STPG2: variants seen among roughly 807,000 people sequenced by gnomAD.
STPG2 encodes the protein sperm-tail PG-rich repeat-containing protein 2.
STPG2 carries 56 observed loss-of-function variants against 54.2 expected under a neutral mutation model. The observed-to-expected ratio is 1.03, with a 90% confidence interval of 0.83 to 1.29. The LOEUF is 1.29. Ranked by LOEUF, STPG2 falls within the 50% of genes most tolerant of loss-of-function variation. The pLI is 0.00. For synonymous variants in STPG2, 200 were observed against 181.8 expected (o/e 1.10, Z -0.81); for missense variants, 596 against 544.9 (o/e 1.09, Z -0.93).
In STPG2 at chr4:97,794,065, C is replaced by G. The variant is rs187386474; in HGVS notation, c.1204+46708G>C. On this transcript the variant is annotated intron_variant, in intron 9 of 10. Transcript: ENST00000295268. ...TTCATAGCAATATAAAATTTGAGCT[C>G]TTCTCTGTTATTGCTTTGTAATATA... Among the ~76,000 whole-genome samples, 405 of 152,104 alleles carry G rather than the reference C, an allele frequency of 2.7e-3. 1 individual carries two copies. The highest frequency in any genetic ancestry group is 4.4e-3 in the Non-Finnish European group (300 of 67,946).
At chr4:98,073,663 G>T (rs533234976) in intron 5 of STPG2, among the ~76,000 whole-genome samples, 92 of 152,226 alleles carry the variant, frequency 6.0e-4, no homozygotes, top group African/African-American at 2.1e-3. Flanking sequence ...GAAGGCGGAG[G>T]CTGCAGTGAG....
chr4:97,787,497 A>T (rs1726862214), intron 9 of STPG2, among the ~76,000 whole-genome samples: 1 of 151,926 alleles, frequency 6.6e-6, no homozygotes, highest in Non-Finnish European at 1.5e-5. Flanking sequence ...AATATATTTA[A>T]CCTTTTTATA....
At chr4:97,877,680 G>T (rs1178315916) in intron 8 of STPG2, among the ~76,000 whole-genome samples, 1 of 152,062 alleles carries the variant, frequency 6.6e-6, no homozygotes, top group Non-Finnish European at 1.5e-5. Flanking sequence ...CCCACAACAT[G>T]GGGGAATTAC....
chr4:98,133,655 T>C (rs1740060270), intron 2 of STPG2, among the ~76,000 whole-genome samples: 1 of 151,994 alleles, frequency 6.6e-6, no homozygotes, highest in South Asian at 2.1e-4. Context: ...ACTTTCCAAA[T>C]TTTGATAATT....
chr4:97,621,797 T>C (rs1578430717), intron 10 of STPG2, among the ~76,000 whole-genome samples: 2 of 152,160 alleles, frequency 1.3e-5, no homozygotes, highest in Admixed American at 6.5e-5. Context: ...ATTATCCTTA[T>C]ACCCAGGCCT....
chr4:97,463,910 T>C (rs541651547), intron 4 of STPG2, among the ~76,000 whole-genome samples: 2 of 152,332 alleles, frequency 1.3e-5, no homozygotes, highest in African/African-American at 4.8e-5. Context: ...CCATATTACA[T>C]TTAGTAGATC....
chr4:97,552,846 A>G (rs1429651911), intron 4 of STPG2, among the ~76,000 whole-genome samples: 1 of 152,158 alleles, frequency 6.6e-6, no homozygotes, highest in Non-Finnish European at 1.5e-5. Context: ...TTTCCACGAT[A>G]CTAGTAGTTC....
At chr4:97,947,166 A>C (rs2149236050) in intron 7 of STPG2, among the ~76,000 whole-genome samples, 1 of 152,030 alleles carries the variant, frequency 6.6e-6, no homozygotes, top group South Asian at 2.1e-4. Flanking sequence ...GATTGAGTTT[A>C]TTTCATTCTC....
At chr4:97,682,179 C>A (rs1723058669) in intron 10 of STPG2, among the ~76,000 whole-genome samples, 1 of 151,542 alleles carries the variant, frequency 6.6e-6, no homozygotes, top group South Asian at 2.1e-4. Context: ...ACTAGGCATA[C>A]AAAAGATCTA....
intron 8 of STPG2, among the ~76,000 whole-genome samples, chr4:97,889,892 T>C (rs1730706193): frequency 6.6e-6 from 1 of 152,136 alleles, no homozygotes; most frequent in Admixed American, 6.6e-5. Flanking sequence ...GATAGGAGTT[T>C]TGTTGTTTTA....
intron 4 of STPG2, among the ~76,000 whole-genome samples, chr4:97,461,100 T>C (rs1224793587): frequency 6.6e-6 from 1 of 152,220 alleles, no homozygotes; most frequent in Non-Finnish European, 1.5e-5. Context: ...TTGGTGCACA[T>C]ATATACACAT....
At chr4:97,988,845 C>T (rs920891908) in intron 5 of STPG2, among the ~76,000 whole-genome samples, 37 of 152,304 alleles carry the variant, frequency 2.4e-4, no homozygotes, top group African/African-American at 8.9e-4. Context: ...TTGAACCGAG[C>T]TCAAGCGATC....
intron 4 of STPG2, among the ~76,000 whole-genome samples, chr4:97,500,884 A>G (rs1239633121): frequency 6.6e-6 from 1 of 152,012 alleles, no homozygotes; most frequent in East Asian, 1.9e-4. Context: ...AGTTGGGGCA[A>G]CTAACTATAG....
intron 7 of STPG2, among the ~76,000 whole-genome samples, chr4:97,963,185 A>G (rs1050567696): frequency 6.6e-6 from 1 of 151,900 alleles, no homozygotes; most frequent in East Asian, 1.9e-4. Context: ...ACAAACAAAC[A>G]AAAAAACAAT....
chr4:97,783,870 C>T (rs774466773), intron 9 of STPG2, among the ~76,000 whole-genome samples: 1 of 151,288 alleles, frequency 6.6e-6, no homozygotes, highest in Non-Finnish European at 1.5e-5. Flanking sequence ...GGGAACAATG[C>T]GAACACTTGG....
chr4:97,929,813 C>T (rs1218471753), intron 8 of STPG2, among the ~76,000 whole-genome samples: 2 of 152,132 alleles, frequency 1.3e-5, no homozygotes, highest in Admixed American at 6.6e-5. Flanking sequence ...AATTCCCTCC[C>T]ATTCTGTAGG....
chr4:97,867,204 T>C (rs1392445847), intron 8 of STPG2, among the ~76,000 whole-genome samples: 1 of 152,014 alleles, frequency 6.6e-6, no homozygotes, highest in Non-Finnish European at 1.5e-5. Context: ...CTGTTGATAA[T>C]CTTTTATCTT....
At chr4:97,623,248 AT>A (rs1459174906) in intron 10 of STPG2, among the ~76,000 whole-genome samples, 1 of 152,094 alleles carries the variant, frequency 6.6e-6, no homozygotes. Flanking sequence ...TGTGACAAAA[AT>A]AAAAACAGAT....
At chr4:98,086,802 C>T (rs1738532626) in intron 5 of STPG2, among the ~76,000 whole-genome samples, 1 of 151,826 alleles carries the variant, frequency 6.6e-6, no homozygotes. Flanking sequence ...ATATTTCTTC[C>T]TCCTCCCATT....
Sources: allele counts gnomAD v4.1 joint callset (sites outside exome capture counted in the v4.1 genomes callset), GRCh38; gene constraint gnomAD v4.1.1; transcripts MANE v1.5; gene names NCBI Gene and HGNC (gene_info 2026-07-23, HGNC 2026-07-21).